Variants in IBA57 observed in about 807,000 individuals in gnomAD.
IBA57 encodes the protein iron-sulfur cluster assembly factor IBA57, mitochondrial.
A neutral mutation model predicts 20.4 loss-of-function variants in IBA57; 20 were observed. That is an observed-to-expected ratio of 0.98 (90% CI 0.69 to 1.42). The LOEUF is 1.42. Among genes scored for constraint, IBA57 ranks in the 40% most tolerant of loss-of-function variants. The pLI, the probability that IBA57 is intolerant of heterozygous loss-of-function variation, is 0.00. For synonymous variants in IBA57, 310 were observed against 233.9 expected, an observed-to-expected ratio of 1.33 and a Z score of -2.97; for missense variants, 608 against 499.3, an observed-to-expected ratio of 1.22 and a Z score of -2.07.
At position 228,179,835 on chromosome 1, in the gene IBA57, G is replaced by A. The variant is rs2035079309; in HGVS notation, c.*4322G>A. 1 of 152,156 alleles carries A rather than the reference G, an allele frequency of 6.6e-6. No individual in the cohort carries two copies. Among genetic ancestry groups the A allele is most frequent in the African/African-American group, 2.4e-5 (1 of 41,418 alleles). 9.4% of individuals were successfully genotyped at this position (152,156 alleles called of 1,614,324 possible). A position where few individuals can be genotyped will look rare whatever the true frequency, so the allele number is the denominator to read the frequency against. On this transcript the variant is annotated 3_prime_UTR_variant, in exon 3 of 3. Coordinates refer to ENST00000366711, the MANE Select transcript of IBA57 (RefSeq NM_001010867.4). ...CCTGGGAGAAAATAGTGATAGCCTA[G>A]AATTGTGTACCCAGAAAATCCGTCT... is the stretch of plus-strand genomic sequence containing the variant.
chr1:228,168,276 G>T (rs374296651), intron 1 of IBA57, among the ~76,000 whole-genome samples: 1 of 152,088 alleles, frequency 6.6e-6, no homozygotes, highest in Non-Finnish European at 1.5e-5. Context: ...GTAGCTTACC[G>T]TATTGTAATA....
chr1:228,169,990 C>T (rs568848694), intron 1 of IBA57, among the ~76,000 whole-genome samples: 2 of 152,132 alleles, frequency 1.3e-5, no homozygotes, highest in East Asian at 3.9e-4. Flanking sequence ...CCTCAGCCTC[C>T]TGAGTAGCTG....
rs1380862941 is a variant in IBA57 at position 228,179,059 on chromosome 1, G to T, written c.*3546G>T. ...CTTATCTGTAAGGACTGGCTGGCCT[G>T]GGAGGGGCAGTCTCCCAGCCAGAAG... On this transcript the variant is annotated 3_prime_UTR_variant, in exon 3 of 3. Transcript: ENST00000366711. 6.6e-6 allele frequency: 1 copy of T among 152,028 alleles called. No individual in the cohort carries two copies. Among genetic ancestry groups the T allele is most frequent in the African/African-American group, 2.4e-5 (1 of 41,404 alleles). The allele number at this position is 152,028 out of a possible 1,614,324, so 9.4% of individuals were successfully genotyped here.
chr1:228,172,135 A>G (rs1287670573), intron 1 of IBA57: 4 of 70,396 alleles, frequency 5.7e-5, no homozygotes, highest in Admixed American at 5.5e-4. Flanking sequence ...ATAGATTCAC[A>G]GGAAGTTGCA....
intron 1 of IBA57, among the ~76,000 whole-genome samples, chr1:228,171,025 G>C (rs888358667): frequency 2.0e-5 from 3 of 152,218 alleles, no homozygotes; most frequent in Admixed American, 6.5e-5. Context: ...GCAAACAAAA[G>C]CACAGGACAC....
rs376206530 is a variant in IBA57 at position 228,175,403 on chromosome 1, C to T, written c.961C>T (p.Leu321=). The part of the protein sequence containing the change: ...RAGQGNVGLA[L]LWSEKIKGPL... ...TGGCCAGGGCAACGTGGGGCTGGCC[C>T]TGCTGTGGTCAGAGAAGATCAAGGG... is the stretch of plus-strand genomic sequence containing the variant. The change falls in exon 3 of 3, where the codon CTG becomes TTG. Residue 321 remains leucine (L), a synonymous_variant. Transcript: ENST00000366711. The T allele has an allele frequency of 2.0e-4, 319 of 1,612,846 alleles. No homozygotes were observed. Among genetic ancestry groups the T allele is most frequent in the Admixed American group, 2.3e-4 (14 of 59,996 alleles).
In IBA57 at chr1:228,172,058, G is replaced by A. The variant is rs777737878; in HGVS notation, c.342-2634G>A. 14 of 137,564 alleles carry A rather than the reference G, an allele frequency of 1.0e-4. 1 individual carries two copies. Among genetic ancestry groups the A allele is most frequent in the Non-Finnish European group, 3.1e-5 (2 of 65,020 alleles). 8.5% of individuals were successfully genotyped at this position (137,564 alleles called of 1,614,324 possible). A position where few individuals can be genotyped will look rare whatever the true frequency, so the allele number is the denominator to read the frequency against. The stretch of plus-strand genomic sequence containing the variant: ...GTAGTGCTCGGACACCTCTGCAGGC[G>A]AAGCTCCTTGTTTTTTTTTTTTGTT... On this transcript the variant is annotated intron_variant, in intron 1 of 2. Coordinates refer to ENST00000366711, the MANE Select transcript of IBA57 (RefSeq NM_001010867.4).
chr1:228,165,955 G>T lies in IBA57; in HGVS notation c.139G>T (p.Ala47Ser), dbSNP rs1190990831. ...TGGTGGCGACCCAACGGCCGGAGCGGCCTGGGCCTGCTTCCGGCTGGACGG... is the reference window on the plus strand; with the variant it reads ...TGGTGGCGACCCAACGGCCGGAGCGTCCTGGGCCTGCTTCCGGCTGGACGG... ...SPGGDPTAGA[A>S]WACFRLDGRT... Residue 47 changes from alanine (A) to serine (S), a missense_variant, in exon 1 of 3, where the codon GCC becomes TCC. Coordinates refer to ENST00000366711, the MANE Select transcript of IBA57 (RefSeq NM_001010867.4). 6.6e-7 allele frequency: 1 copy of T among 1,512,538 alleles called. No homozygotes were observed. The highest frequency in any genetic ancestry group is 8.8e-7 in the Non-Finnish European group (1 of 1,138,284). 93.7% of individuals were successfully genotyped at this position (1,512,538 alleles called of 1,614,324 possible).
Position 228,175,628 on chromosome 1 carries a change from G to A in IBA57, c.*115G>A. 1 of 1,350,054 alleles carries A rather than the reference G, an allele frequency of 7.4e-7. No individual in the cohort carries two copies. The highest frequency in any genetic ancestry group is 9.8e-7 in the Non-Finnish European group (1 of 1,021,450). 83.6% of individuals were successfully genotyped at this position (1,350,054 alleles called of 1,614,324 possible). On this transcript the variant is annotated 3_prime_UTR_variant, in exon 3 of 3. Coordinates refer to ENST00000366711, the MANE Select transcript of IBA57 (RefSeq NM_001010867.4). ...CTGCGCCTACTGGGTGGGAGCCCTG[G>A]TTTCCATCTGGGAAAGTCCCCCTTG...
chr1:228,178,979 G>A lies in IBA57; in HGVS notation c.*3466G>A, dbSNP rs937973139. 7.9e-5 allele frequency: 12 copies of A among 152,224 alleles called. No individual in the cohort carries two copies. The highest frequency in any genetic ancestry group is 2.9e-4 in the African/African-American group (12 of 41,442). The allele number at this position is 152,224 out of a possible 1,614,324, so 9.4% of individuals were successfully genotyped here. ...GCCAGAGTGCTCTGGCCAGATAGAG[G>A]TGGGCTCTGGACTGGTGAGGCTGCA... is the stretch of plus-strand genomic sequence containing the variant. On this transcript the variant is annotated 3_prime_UTR_variant, in exon 3 of 3. Transcript: ENST00000366711.
At chr1:228,169,516 C>T (rs916438510) in intron 1 of IBA57, among the ~76,000 whole-genome samples, 6 of 152,126 alleles carry the variant, frequency 3.9e-5, no homozygotes, top group African/African-American at 1.2e-4. Context: ...GTGCTATTTT[C>T]GTCACAACTG....
intron 1 of IBA57, among the ~76,000 whole-genome samples, chr1:228,168,700 G>A (rs925511700): frequency 9.9e-5 from 15 of 152,258 alleles, no homozygotes; most frequent in African/African-American, 3.6e-4. Flanking sequence ...ACTGTTCTGA[G>A]TGCTGAGGGC....
intron 1 of IBA57, among the ~76,000 whole-genome samples, chr1:228,167,007 T>G (rs2034862985): frequency 6.6e-6 from 1 of 152,232 alleles, no homozygotes; most frequent in Non-Finnish European, 1.5e-5. Flanking sequence ...CCTGATATCC[T>G]GGCTGGGTGT....
Position 228,175,499 on chromosome 1 carries a change from A to G in IBA57, c.1057A>G (p.Thr353Ala). 1 of 1,574,456 alleles carries G rather than the reference A, an allele frequency of 6.4e-7. No individual in the cohort carries two copies. The highest frequency in any genetic ancestry group is 1.2e-5 in the South Asian group (1 of 85,662). Residue 353 changes from threonine to alanine, a missense_variant, in exon 3 of 3, where the codon ACA (threonine) becomes GCA (alanine). Transcript: ENST00000366711. ...CGCATCTGTGCCAGACTGGTGGCCT[A>G]CAGTCTCCAAGTAGTCCGAAGCCTT... ...LAASVPDWWP[T>A]VSK
chr1:228,168,622 C>T (rs546174573), intron 1 of IBA57, among the ~76,000 whole-genome samples: 60 of 152,258 alleles, frequency 3.9e-4, no homozygotes, highest in African/African-American at 1.4e-3. Context: ...TTGTGGGGGT[C>T]TCTGTCCTCG....
rs920549175 is a variant in IBA57 at position 228,181,840 on chromosome 1, C to T, written c.*6327C>T. 1 of 152,186 alleles carries T rather than the reference C, an allele frequency of 6.6e-6. No homozygotes were observed. Among genetic ancestry groups the T allele is most frequent in the East Asian group, 1.9e-4 (1 of 5,196 alleles). 9.4% of individuals were successfully genotyped at this position (152,186 alleles called of 1,614,324 possible). On this transcript the variant is annotated 3_prime_UTR_variant, in exon 3 of 3. Coordinates refer to ENST00000366711, the MANE Select transcript of IBA57 (RefSeq NM_001010867.4). ...AATTTTGAACGTCTTGGGTGAACAC[C>T]TTGGTTTGAGAAAAGTAAGAAAAAG... is the stretch of plus-strand genomic sequence containing the variant.
rs1159854854 is a variant in IBA57, at chr1:228,179,659, CCAAA to C, written c.*4149_*4152del. The C allele has an allele frequency of 1.1e-4, 17 of 152,128 alleles. No homozygotes were observed. Among genetic ancestry groups the C allele is most frequent in the Admixed American group, 1.1e-3 (17 of 15,278 alleles). 9.4% of individuals were successfully genotyped at this position (152,128 alleles called of 1,614,324 possible). Reference sequence around the variant, plus strand: ...AAGCAGCATAGTTAAAAAGCTCTACCCAAACAGTCACGTCTTGGTGAAAGTACAG... The same window carrying C: ...AAGCAGCATAGTTAAAAAGCTCTACCCAGTCACGTCTTGGTGAAAGTACAG... On this transcript the variant is annotated 3_prime_UTR_variant, in exon 3 of 3. Transcript: ENST00000366711.
chr1:228,169,514 T>C (rs979316497), intron 1 of IBA57, among the ~76,000 whole-genome samples: 1 of 152,218 alleles, frequency 6.6e-6, no homozygotes, highest in African/African-American at 2.4e-5. Flanking sequence ...GAGTGCTATT[T>C]TCGTCACAAC....
In IBA57 at chr1:228,175,661, C is replaced by G. The variant is rs2035006960; in HGVS notation, c.*148C>G. ...CTGGGAAAGTCCCCCTTGTAGGTGCCCTGCCTGGCCCCACCCATGCTCAGG... is the reference window on the plus strand; with the variant it reads ...CTGGGAAAGTCCCCCTTGTAGGTGCGCTGCCTGGCCCCACCCATGCTCAGG... On this transcript the variant is annotated 3_prime_UTR_variant, in exon 3 of 3. Transcript: ENST00000366711. The G allele has an allele frequency of 1.9e-6, 2 of 1,026,794 alleles. No homozygotes were observed. Among genetic ancestry groups the G allele is most frequent in the Admixed American group, 3.3e-5 (1 of 30,270 alleles). The allele number at this position is 1,026,794 out of a possible 1,614,324, so 63.6% of individuals were successfully genotyped here.
Sources: gnomAD v4.1 joint callset for allele counts (sites outside exome capture counted in the v4.1 genomes callset) on GRCh38, gnomAD v4.1.1 for gene constraint, MANE v1.5 for transcripts, NCBI Gene and HGNC (gene_info 2026-07-23, HGNC 2026-07-21) for gene names.